CHIC1: variants seen among roughly 807,000 people sequenced by gnomAD.
CHIC1 encodes the protein cysteine-rich hydrophobic domain-containing protein 1.
In CHIC1, 7 loss-of-function variants were observed where a neutral mutation model predicts 18.5. That is an observed-to-expected ratio of 0.38 (90% CI 0.22 to 0.71). CHIC1 has a LOEUF of 0.71. CHIC1 is among the 30% of genes least tolerant of loss of function. The pLI is 0.49. For missense variants in CHIC1, 159 were observed against 176.9 expected, an observed-to-expected ratio of 0.90 and a Z score of 0.57; for synonymous variants, 77 against 73.5, an observed-to-expected ratio of 1.05 and a Z score of -0.25.
At chrX:73,588,392 G>A (rs1427932611) in intron 3 of CHIC1, among the ~76,000 whole-genome samples, 1 of 110,678 alleles carries the variant, frequency 9.0e-6, no homozygotes, top group Non-Finnish European at 1.9e-5. Context: ...TGAACATAAT[G>A]TTTTTTGTGG....
chrX:73,641,855 T>A (rs1438981279), intron 3 of CHIC1, among the ~76,000 whole-genome samples: 2 of 111,721 alleles, frequency 1.8e-5, no homozygotes, highest in African/African-American at 3.3e-5. Flanking sequence ...AACTCATCAT[T>A]TTTTAGGGCT....
chrX:73,674,685 C>A (rs188031140), intron 3 of CHIC1, among the ~76,000 whole-genome samples: 1 of 111,725 alleles, frequency 9.0e-6, no homozygotes, highest in Admixed American at 9.5e-5. Context: ...AGAAAACCAG[C>A]TCCTGGATTC....
chrX:73,617,931 G>A (rs778615741), intron 3 of CHIC1, among the ~76,000 whole-genome samples: 60 of 112,095 alleles, frequency 5.4e-4, no homozygotes, highest in South Asian at 1.5e-3. Context: ...GAAGATCTGC[G>A]TCTTAAGGGC....
In CHIC1 at chrX:73,563,327, T is replaced by A; in HGVS notation, c.43T>A (p.Ser15Thr). ...LPNMAEFDTISELEEEEEEEA... is the reference protein window; with the variant it reads ...LPNMAEFDTITELEEEEEEEA... ...CAACATGGCGGAGTTCGACACCATC[T>A]CGGAACTGGAGGAGGAGGAGGAAGA... The change falls in exon 1 of 6, where the codon TCG (serine) becomes ACG (threonine). Residue 15 changes from serine (S) to threonine (T), a missense_variant. Coordinates refer to ENST00000373502, the MANE Select transcript of CHIC1 (RefSeq NM_001039840.4). The A allele has an allele frequency of 1.8e-6, 2 of 1,142,072 alleles. No individual in the cohort carries two copies. Among genetic ancestry groups the A allele is most frequent in the South Asian group, 4.1e-5 (2 of 48,198 alleles). 94.1% of individuals were successfully genotyped at this position (1,142,072 alleles called of 1,213,427 possible).
chrX:73,656,751 T>G (rs1003722470), intron 3 of CHIC1, among the ~76,000 whole-genome samples: 1 of 112,358 alleles, frequency 8.9e-6, no homozygotes, highest in Non-Finnish European at 1.9e-5. Flanking sequence ...TTCAGCTTTA[T>G]TGTTTTTTGC....
chrX:73,673,588 A>T (rs2058044145), intron 3 of CHIC1, among the ~76,000 whole-genome samples: 1 of 111,876 alleles, frequency 8.9e-6, no homozygotes, highest in East Asian at 2.8e-4. Flanking sequence ...TGATTTTTGT[A>T]CATTGATTTT....
At position 73,682,497 on chromosome X, in the gene CHIC1, G is replaced by A. The variant is rs946490341; in HGVS notation, c.*1492G>A. 9.0e-6 allele frequency: 1 copy of A among 111,579 alleles called. No homozygotes were observed. Among genetic ancestry groups the A allele is most frequent in the African/African-American group, 3.2e-5 (1 of 30,803 alleles). 9.2% of individuals were successfully genotyped at this position (111,579 alleles called of 1,213,427 possible). A position where few individuals can be genotyped will look rare whatever the true frequency, so the allele number is the denominator to read the frequency against. On this transcript the variant is annotated 3_prime_UTR_variant, in exon 6 of 6. Transcript: ENST00000373502. ...TGCTTTTAGTAAACCTTTTAGGCAA[G>A]ATTCATCTCAGTGAAGTGAACAATC... is the stretch of plus-strand genomic sequence containing the variant.
chrX:73,655,336 CTATA>C (rs951820078), intron 3 of CHIC1, among the ~76,000 whole-genome samples: 1 of 101,949 alleles, frequency 9.8e-6, no homozygotes, highest in Non-Finnish European at 2.0e-5. Context: ...ACTATATACA[CTATA>C]TATACACACA....
At chrX:73,679,507 AATATATAT>A in intron 4 of CHIC1, 125 bp downstream of exon 4, 1 of 562,840 alleles carries the variant, frequency 1.8e-6, no homozygotes, top group East Asian at 3.7e-5. Context: ...CTCAATTTTT[AATATATAT>A]TCTTTACAAG....
At chrX:73,580,842 G>A (rs187067033) in intron 2 of CHIC1, among the ~76,000 whole-genome samples, 16 of 110,803 alleles carry the variant, frequency 1.4e-4, no homozygotes, top group Non-Finnish European at 2.5e-4. Flanking sequence ...ATTGCAGAGG[G>A]AAGTCTGAAA....
In CHIC1 at chrX:73,681,993, A is replaced by G. The variant is rs1314113619; in HGVS notation, c.*988A>G. Reference sequence around the variant, plus strand: ...GAAAATACACACAATTATGACTTTTAAGGAGTATTTTGAGATTTCAGACAT... The same window carrying G: ...GAAAATACACACAATTATGACTTTTGAGGAGTATTTTGAGATTTCAGACAT... On this transcript the variant is annotated 3_prime_UTR_variant, in exon 6 of 6. Transcript: ENST00000373502. 9.0e-6 allele frequency: 1 copy of G among 111,524 alleles called. No individual in the cohort carries two copies. The highest frequency in any genetic ancestry group is 2.8e-4 in the East Asian group (1 of 3,567). 9.2% of individuals were successfully genotyped at this position (111,524 alleles called of 1,213,427 possible). A position where few individuals can be genotyped will look rare whatever the true frequency, so the allele number is the denominator to read the frequency against.
chrX:73,655,383 G>GTGTA (rs1328053931), intron 3 of CHIC1, among the ~76,000 whole-genome samples: 3 of 98,393 alleles, frequency 3.0e-5, no homozygotes, highest in Admixed American at 1.1e-4. Flanking sequence ...TATTGTGGGT[G>GTGTA]TGTATATATA....
intron 3 of CHIC1, among the ~76,000 whole-genome samples, chrX:73,623,835 A>G (rs1389312647): frequency 8.9e-6 from 1 of 112,001 alleles, no homozygotes; most frequent in Non-Finnish European, 1.9e-5. Context: ...TTGACAAAAT[A>G]TTTGATTTAA....
chrX:73,678,132 G>T (rs1245450969), intron 3 of CHIC1, among the ~76,000 whole-genome samples: 1 of 111,204 alleles, frequency 9.0e-6, no homozygotes, highest in African/African-American at 3.3e-5. Context: ...GGGTGCTTTG[G>T]CTTTGGTTCT....
intron 3 of CHIC1, among the ~76,000 whole-genome samples, chrX:73,676,520 T>G (rs1287879358): frequency 8.9e-6 from 1 of 112,080 alleles, no homozygotes; most frequent in East Asian, 2.8e-4. Context: ...CCAGTTGATC[T>G]CATCGGCTAG....
Position 73,686,509 on chromosome X carries a change from C to A in CHIC1, c.*5504C>A, listed in dbSNP as rs1359176227. ...CTTAAAGTAGTTCTGTGTATAAATT[C>A]AACATGATGAATCAAGGCAATAATT... is the stretch of plus-strand genomic sequence containing the variant. On this transcript the variant is annotated 3_prime_UTR_variant, in exon 6 of 6. Coordinates refer to ENST00000373502, the MANE Select transcript of CHIC1 (RefSeq NM_001039840.4). 8.9e-6 allele frequency: 1 copy of A among 111,736 alleles called. No individual in the cohort carries two copies. Among genetic ancestry groups the A allele is most frequent in the Non-Finnish European group, 1.9e-5 (1 of 52,969 alleles). The allele number at this position is 111,736 out of a possible 1,213,427, so 9.2% of individuals were successfully genotyped here.
chrX:73,650,445 G>A lies in CHIC1; in HGVS notation c.508-28881G>A, dbSNP rs755542044. Among the ~76,000 whole-genome samples, 41 of 100,293 alleles carry A rather than the reference G, an allele frequency of 4.1e-4. No homozygotes were observed. In the East Asian group the frequency reaches 0.012, roughly 28 times the overall value. The allele number at this position is 100,293 out of a possible 115,157, so 87.1% of individuals were successfully genotyped here. A position where few individuals can be genotyped will look rare whatever the true frequency, so the allele number is the denominator to read the frequency against. ...AATAGACTGGTAGCTAGACTAATAA[G>A]GAAGAAAAGAGAGAAGAATCAGAAA... On this transcript the variant is annotated intron_variant, in intron 3 of 5. Coordinates refer to ENST00000373502, the MANE Select transcript of CHIC1 (RefSeq NM_001039840.4).
intron 3 of CHIC1, among the ~76,000 whole-genome samples, chrX:73,590,015 T>C (rs926587777): frequency 9.0e-6 from 1 of 111,552 alleles, no homozygotes; most frequent in Non-Finnish European, 1.9e-5. Context: ...AGTCACTTCT[T>C]TCTTACTGCT....
intron 3 of CHIC1, among the ~76,000 whole-genome samples, chrX:73,674,647 G>A (rs1488172462): frequency 9.0e-6 from 1 of 111,125 alleles, no homozygotes; most frequent in Non-Finnish European, 1.9e-5. Flanking sequence ...AGTCTTTCTA[G>A]CGGTCTATCA....
Sources: gnomAD v4.1 joint callset for allele counts (sites outside exome capture counted in the v4.1 genomes callset) on GRCh38, gnomAD v4.1.1 for gene constraint, MANE v1.5 for transcripts, NCBI Gene and HGNC (gene_info 2026-07-23, HGNC 2026-07-21) for gene names.